STX8: variants seen among roughly 807,000 people sequenced by gnomAD.
STX8 encodes the protein syntaxin 8.
In STX8, 23 loss-of-function variants were observed where a neutral mutation model predicts 37.5. The observed-to-expected ratio is 0.61, with a 90% CI of 0.44 to 0.87. STX8 has a LOEUF of 0.87. Ranked by LOEUF, STX8 falls within the 40% of genes least tolerant of loss-of-function variation. STX8 has a pLI of 0.00. For missense variants in STX8, 313 were observed against 284.7 expected (o/e 1.10, Z -0.71); for synonymous variants, 115 against 99.1 (o/e 1.16, Z -0.95).
chr17:9,417,266 T>C (rs1427332800), intron 6 of STX8, among the ~76,000 whole-genome samples: 1 of 152,188 alleles, frequency 6.6e-6, no homozygotes, highest in African/African-American at 2.4e-5. Flanking sequence ...AAAGAACACG[T>C]TAGATGATTA....
chr17:9,526,937 T>C (rs1438349870), intron 4 of STX8, among the ~76,000 whole-genome samples: 4 of 151,614 alleles, frequency 2.6e-5, no homozygotes, highest in Non-Finnish European at 5.9e-5. Context: ...CCCAGCATTT[T>C]GGGAGGCCGA....
At chr17:9,563,852 G>A (rs1476096149) in intron 2 of STX8, among the ~76,000 whole-genome samples, 5 of 152,046 alleles carry the variant, frequency 3.3e-5, no homozygotes, top group African/African-American at 1.2e-4. Flanking sequence ...AAAAAATACT[G>A]GCAAACCGAA....
intron 6 of STX8, among the ~76,000 whole-genome samples, chr17:9,487,004 C>A (rs1008268127): frequency 2.0e-5 from 3 of 152,128 alleles, no homozygotes; most frequent in Non-Finnish European, 4.4e-5. Flanking sequence ...CTTGCCAACG[C>A]CCCTAGTCAG....
At chr17:9,501,885 C>T (rs1297501375) in intron 5 of STX8, among the ~76,000 whole-genome samples, 1 of 152,028 alleles carries the variant, frequency 6.6e-6, no homozygotes, top group African/African-American at 2.4e-5. Context: ...AGGAGAATAG[C>T]GTGAACCTGA....
At chr17:9,299,719 G>A (rs1377695929) in intron 7 of STX8, among the ~76,000 whole-genome samples, 2 of 152,158 alleles carry the variant, frequency 1.3e-5, no homozygotes, top group African/African-American at 4.8e-5. Flanking sequence ...AGGGATTACA[G>A]GTGTGAGCCA....
At chr17:9,511,245 C>T (rs1905010150) in intron 4 of STX8, among the ~76,000 whole-genome samples, 1 of 152,102 alleles carries the variant, frequency 6.6e-6, no homozygotes, top group South Asian at 2.1e-4. Flanking sequence ...GGGTATTCTA[C>T]CTAACTCATG....
In STX8 at chr17:9,287,106, C is replaced by G. The variant is rs58943397; in HGVS notation, c.644-36461G>C. On this transcript the variant is annotated intron_variant, in intron 7 of 7. Coordinates refer to ENST00000306357, the MANE Select transcript of STX8 (RefSeq NM_004853.3). ...TGGGGAATGGTATAAATATATAAAC[C>G]AAAAGAACAGGAGAGAAAATGACAT... 1.5e-3 allele frequency among the ~76,000 whole-genome samples: 221 copies of G among 152,162 alleles called. 1 individual carries two copies. The highest frequency in any genetic ancestry group is 5.1e-3 in the African/African-American group (212 of 41,502).
At chr17:9,410,470 G>A (rs540409530) in intron 6 of STX8, among the ~76,000 whole-genome samples, 8 of 152,218 alleles carry the variant, frequency 5.3e-5, no homozygotes, top group Admixed American at 2.0e-4. Flanking sequence ...GCTCCCACAC[G>A]TCATAAAACG....
At chr17:9,375,030 C>T (rs1406441698) in intron 7 of STX8, among the ~76,000 whole-genome samples, 2 of 139,364 alleles carry the variant, frequency 1.4e-5, no homozygotes, top group East Asian at 4.3e-4. Flanking sequence ...TGCCACTGCA[C>T]TCCAGCCAGG....
chr17:9,509,426 A>G (rs905114085), intron 4 of STX8, among the ~76,000 whole-genome samples: 4 of 152,202 alleles, frequency 2.6e-5, no homozygotes, highest in African/African-American at 9.6e-5. Context: ...CCAACCAAGA[A>G]TATTACATGC....
intron 7 of STX8, among the ~76,000 whole-genome samples, chr17:9,255,695 A>C (rs1281625616): frequency 6.6e-6 from 1 of 152,162 alleles, no homozygotes; most frequent in Non-Finnish European, 1.5e-5. Flanking sequence ...CATGACAAAT[A>C]AGGCTTTTAT....
intron 5 of STX8, among the ~76,000 whole-genome samples, chr17:9,493,309 C>G (rs940212453): frequency 2.6e-4 from 40 of 152,010 alleles, no homozygotes; most frequent in African/African-American, 7.0e-4. Flanking sequence ...GAAAATGAAC[C>G]AAGGCTGCTT....
At chr17:9,266,638 G>A (rs963213312) in intron 7 of STX8, among the ~76,000 whole-genome samples, 16 of 152,054 alleles carry the variant, frequency 1.1e-4, no homozygotes, top group African/African-American at 2.7e-4. Flanking sequence ...CACTAGTGCC[G>A]CTTCTGGTGC....
chr17:9,285,059 A>AT (rs1302879407), intron 7 of STX8, among the ~76,000 whole-genome samples: 1 of 152,010 alleles, frequency 6.6e-6, no homozygotes, highest in Non-Finnish European at 1.5e-5. Context: ...GGAGATTCTG[A>AT]TTCAGCGGTT....
At chr17:9,488,240 C>T (rs1469953106) in intron 6 of STX8, among the ~76,000 whole-genome samples, 6 of 151,778 alleles carry the variant, frequency 4.0e-5, no homozygotes, top group Admixed American at 1.3e-4. Context: ...TCAGGAGAAT[C>T]GCTTGAACCC....
chr17:9,513,665 T>C (rs184449225), intron 4 of STX8, among the ~76,000 whole-genome samples: 1 of 152,338 alleles, frequency 6.6e-6, no homozygotes, highest in East Asian at 1.9e-4. Context: ...GCAATCCCCC[T>C]ACTGGGCACT....
chr17:9,369,506 A>T (rs1183203491), intron 7 of STX8, among the ~76,000 whole-genome samples: 1 of 152,210 alleles, frequency 6.6e-6, no homozygotes, highest in Non-Finnish European at 1.5e-5. Context: ...TCTGAGAGAC[A>T]AAAGTAGCTC....
chr17:9,508,441 CT>C (rs1567591006), intron 4 of STX8, among the ~76,000 whole-genome samples: 11 of 152,300 alleles, frequency 7.2e-5, no homozygotes, highest in African/African-American at 2.6e-4. Context: ...ATTCTCCCTC[CT>C]CAGTCCTCCT....
At chr17:9,372,384 G>A (rs912811951) in intron 7 of STX8, among the ~76,000 whole-genome samples, 5 of 152,116 alleles carry the variant, frequency 3.3e-5, no homozygotes, top group Non-Finnish European at 5.9e-5. Flanking sequence ...TAGAGTGGGT[G>A]CCCAGGGACT....
Sources: allele counts gnomAD v4.1 joint callset (sites outside exome capture counted in the v4.1 genomes callset), GRCh38; gene constraint gnomAD v4.1.1; transcripts MANE v1.5; gene names NCBI Gene and HGNC (gene_info 2026-07-23, HGNC 2026-07-21).